CASZ1: variants seen among roughly 807,000 people sequenced by gnomAD.
The protein encoded by CASZ1 is castor zinc finger 1, also known as zinc finger protein castor homolog 1.
CASZ1 carries 28 observed loss-of-function variants against 135.2 expected under a neutral mutation model. That is an observed-to-expected ratio of 0.21 (90% CI 0.15 to 0.28). The LOEUF is 0.28. CASZ1 is among the 10% of genes least tolerant of loss of function. The pLI is 1.00. For missense variants in CASZ1, 2,161 were observed against 2,453.3 expected, an observed-to-expected ratio of 0.88 and a Z score of 2.52; for synonymous variants, 1,068 against 1,073.4, an observed-to-expected ratio of 0.99 and a Z score of 0.10.
chr1:10,765,337 A>T (rs534886109), intron 1 of CASZ1, among the ~76,000 whole-genome samples: 1 of 152,194 alleles, frequency 6.6e-6, no homozygotes, highest in African/African-American at 2.4e-5. Context: ...CACCCGAGTG[A>T]AAACAAAAAC....
intron 15 of CASZ1, 39 bp downstream of exon 15, chr1:10,649,031 G>C (rs764585287): frequency 2.5e-6 from 4 of 1,604,972 alleles, no homozygotes; most frequent in Non-Finnish European, 3.4e-6. Context: ...GCTGGGATCC[G>C]TGGGGCTCTG....
rs139878754 is a variant in CASZ1 at position 10,656,512 on chromosome 1, T to C, written c.1500+134A>G. The C allele has an allele frequency of 4.1e-3, 2,803 of 676,590 alleles. 14 individuals carry two copies. Among genetic ancestry groups the C allele is most frequent in the Non-Finnish European group, 6.2e-3 (2,368 of 381,678 alleles). The allele number at this position is 676,590 out of a possible 1,614,324, so 41.9% of individuals were successfully genotyped here. A position where few individuals can be genotyped will look rare whatever the true frequency, so the allele number is the denominator to read the frequency against. On this transcript the variant is annotated intron_variant, in intron 8 of 20. Coordinates refer to ENST00000377022, the MANE Select transcript of CASZ1 (RefSeq NM_001079843.3). ...CAGGCTGGTGGTTTTGCGGGCCCTC[T>C]ACCTGCTCAAGTCAAGTTTGGGTGG...
Position 10,640,174 on chromosome 1 carries a change from G to T in CASZ1, c.4163-115C>A, listed in dbSNP as rs968414490. On this transcript the variant is annotated intron_variant, in intron 20 of 20. Transcript: ENST00000377022. ...ATGGCGCCAGAGGGCGGCATTTAGG[G>T]AGCCCTCGGCTTCCCCTGGCTTGGG... 3.1e-5 allele frequency: 45 copies of T among 1,458,808 alleles called. 1 individual carries two copies. The Middle Eastern group carries it at 6.7e-4, about 22-fold the overall frequency. The allele number at this position is 1,458,808 out of a possible 1,614,324, so 90.4% of individuals were successfully genotyped here.
At chr1:10,643,131 C>A (rs1434598100) in intron 19 of CASZ1, 29 bp downstream of exon 19, 1 of 1,605,186 alleles carries the variant, frequency 6.2e-7, no homozygotes, top group Non-Finnish European at 8.5e-7. Flanking sequence ...GCCACCCTGG[C>A]TGGGCTCTCA....
intron 1 of CASZ1, among the ~76,000 whole-genome samples, chr1:10,793,475 GA>G (rs1271325097): frequency 1.3e-5 from 2 of 152,028 alleles, no homozygotes; most frequent in African/African-American, 2.4e-5. Flanking sequence ...AAGGCAAGGG[GA>G]AAAAAAGAGG....
intron 2 of CASZ1, among the ~76,000 whole-genome samples, chr1:10,745,474 C>T (rs1640022525): frequency 6.6e-6 from 1 of 152,168 alleles, no homozygotes. Flanking sequence ...AAAGGGGACT[C>T]AAGGGGGTGT....
intron 4 of CASZ1, among the ~76,000 whole-genome samples, chr1:10,690,138 G>A (rs532573): frequency 0.45 from 68,696 of 152,070 alleles, 16,160 homozygotes; most frequent in Non-Finnish European, 0.49. Context: ...CCCTAAACCC[G>A]GCGTGGAATC....
At position 10,726,471 on chromosome 1, in the gene CASZ1, C is replaced by T. The variant is rs1639599825; in HGVS notation, c.-76-20927G>A. Among the ~76,000 whole-genome samples the T allele has an allele frequency of 6.6e-6, 1 of 152,168 alleles. No individual in the cohort carries two copies. On this transcript the variant is annotated intron_variant, in intron 2 of 20. Coordinates refer to ENST00000377022, the MANE Select transcript of CASZ1 (RefSeq NM_001079843.3). This position sits in a 1 kb window ranked among gnomAD's most constrained non-coding sequence, Gnocchi z 5.7. ...GGAGGGAGGAGGAGGGCGGTGTAGT[C>T]CTCCAGGCTGGCCAGGCTGGGGCCG...
At chr1:10,733,262 C>T (rs1028217050) in intron 2 of CASZ1, among the ~76,000 whole-genome samples, 12 of 152,184 alleles carry the variant, frequency 7.9e-5, no homozygotes, top group Admixed American at 3.3e-4. Context: ...CCAAACTTGA[C>T]CTGGGGCCCC....
intron 4 of CASZ1, among the ~76,000 whole-genome samples, chr1:10,672,303 C>T (rs1192184343): frequency 6.6e-6 from 1 of 151,592 alleles, no homozygotes; most frequent in Non-Finnish European, 1.5e-5. Flanking sequence ...GCCCCGCGCC[C>T]GGGCCTCTCA....
In CASZ1 at chr1:10,647,816, A is replaced by T; in HGVS notation, c.3482T>A (p.Leu1161His). 6.2e-7 allele frequency: 1 copy of T among 1,613,646 alleles called. No homozygotes were observed. Among genetic ancestry groups the T allele is most frequent in the Non-Finnish European group, 8.5e-7 (1 of 1,179,994 alleles). The change falls in exon 16 of 21, where the codon CTC (leucine) becomes CAC (histidine). Residue 1161 changes from leucine (L) to histidine (H), a missense_variant. Coordinates refer to ENST00000377022, the MANE Select transcript of CASZ1 (RefSeq NM_001079843.3). The surrounding 1 kb of genome is among the most constrained non-coding windows in gnomAD (Gnocchi z 4.9). ...NAKPQVKPGFLQFQENDPCLA... is the reference protein window; with the variant it reads ...NAKPQVKPGFHQFQENDPCLA... ...AGGGACTCACTTCTCCTGGAACTGG[A>T]GGAATCCGGGTTTGACCTGGGGCTT...
chr1:10,686,979 A>G (rs1465778428), intron 4 of CASZ1, among the ~76,000 whole-genome samples: 4 of 152,182 alleles, frequency 2.6e-5, no homozygotes, highest in Non-Finnish European at 5.9e-5. Context: ...CCCAGGCTGA[A>G]GGGGTGACAG....
chr1:10,644,950 A>C lies in CASZ1; in HGVS notation c.3835T>G (p.Tyr1279Asp). The change falls in exon 18 of 21, where the codon TAC (tyrosine) becomes GAC (aspartate). Residue 1279 changes from tyrosine (Y) to aspartate (D), a missense_variant. Transcript: ENST00000377022. ...AERRAANGFK[Y>D]FTKREECGRL... ...CCACACTCCTCGCGCTTGGTGAAGTATTTGAAGCCATTGGCTGCCCGCCGC... is the reference window on the plus strand; with the variant it reads ...CCACACTCCTCGCGCTTGGTGAAGTCTTTGAAGCCATTGGCTGCCCGCCGC... 2 of 1,613,850 alleles carry C rather than the reference A, an allele frequency of 1.2e-6. No homozygotes were observed. Among genetic ancestry groups the C allele is most frequent in the Non-Finnish European group, 1.7e-6 (2 of 1,179,990 alleles).
chr1:10,647,851 T>C lies in CASZ1; in HGVS notation c.3447A>G (p.Leu1149=). ...GTTTGACCTGGGGCTTGGCGTTCTC[T>C]AGAGAAGTCGTTGCCAAGGGCGAGG... ...LPASPLATTS[L]ENAKPQVKPG... Residue 1149 remains leucine (L), a synonymous_variant, in exon 16 of 21, where the codon CTA becomes CTG. Transcript: ENST00000377022. This position sits in a 1 kb window ranked among gnomAD's most constrained non-coding sequence, Gnocchi z 4.9. 3 of 1,613,934 alleles carry C rather than the reference T, an allele frequency of 1.9e-6. No individual in the cohort carries two copies. The highest frequency in any genetic ancestry group is 2.5e-6 in the Non-Finnish European group (3 of 1,180,012).
rs2100642401 is a variant in CASZ1, at chr1:10,794,741, A to G, written c.-234+1823T>C. On this transcript the variant is annotated intron_variant, in intron 1 of 20. Coordinates refer to ENST00000377022, the MANE Select transcript of CASZ1 (RefSeq NM_001079843.3). The surrounding 1 kb of genome is among the most constrained non-coding windows in gnomAD (Gnocchi z 5.6). ...ATCTGCGCCCACCCCTTAGAGAAAA[A>G]TCTATTATTATTATCTTAATCTACG... 6.6e-6 allele frequency among the ~76,000 whole-genome samples: 1 copy of G among 152,228 alleles called. No individual in the cohort carries two copies. The highest frequency in any genetic ancestry group is 1.9e-4 in the East Asian group (1 of 5,170).
chr1:10,754,035 C>T (rs557775439), intron 2 of CASZ1, among the ~76,000 whole-genome samples: 2 of 152,148 alleles, frequency 1.3e-5, no homozygotes, highest in South Asian at 4.1e-4. Context: ...CCTTGCTTCT[C>T]CAACACGCCT....
In CASZ1 at chr1:10,794,497, G is replaced by C. The variant is rs1411215094; in HGVS notation, c.-234+2067C>G. On this transcript the variant is annotated intron_variant, in intron 1 of 20. Transcript: ENST00000377022. This position sits in a 1 kb window ranked among gnomAD's most constrained non-coding sequence, Gnocchi z 5.6. ...AGGTTTGGGGGAGCTCCATACTCAG[G>C]AGAGGCGCTACTGCCGCTTTTCCGG... 6.6e-6 allele frequency among the ~76,000 whole-genome samples: 1 copy of C among 152,044 alleles called. No homozygotes were observed. Among genetic ancestry groups the C allele is most frequent in the Non-Finnish European group, 1.5e-5 (1 of 68,022 alleles).
At chr1:10,786,565 A>G (rs1249261553) in intron 1 of CASZ1, among the ~76,000 whole-genome samples, 2 of 152,202 alleles carry the variant, frequency 1.3e-5, no homozygotes, top group Admixed American at 1.3e-4. Flanking sequence ...ACACACAGAC[A>G]TGTGGTCCTA....
At chr1:10,746,264 G>A (rs927499751) in intron 2 of CASZ1, among the ~76,000 whole-genome samples, 28 of 152,168 alleles carry the variant, frequency 1.8e-4, no homozygotes, top group Admixed American at 1.3e-3. Flanking sequence ...TCACACGTGC[G>A]CGCACACACA....
Sources: gnomAD v4.1 joint callset for allele counts (sites outside exome capture counted in the v4.1 genomes callset) on GRCh38, gnomAD v4.1.1 for gene constraint, Gnocchi (gnomAD v3.1) non-coding constraint, MANE v1.5 for transcripts, NCBI Gene and HGNC (gene_info 2026-07-23, HGNC 2026-07-21) for gene names.